Variants in EYS observed in about 807,000 individuals in gnomAD.
EYS encodes protein eyes shut homolog.
EYS carries 250 observed loss-of-function variants against 282.1 expected under a neutral mutation model. The observed-to-expected ratio is 0.89, with a 90% CI of 0.80 to 0.98. The LOEUF is 0.98. Ranked by LOEUF, EYS falls within the 50% of genes least tolerant of loss-of-function variation. EYS has a pLI of 0.00. For missense variants in EYS, 4,016 were observed against 3,709.0 expected, an observed-to-expected ratio of 1.08 and a Z score of -2.15; for synonymous variants, 1,355 against 1,282.9, an observed-to-expected ratio of 1.06 and a Z score of -1.20.
rs535142975 is a variant in EYS at position 64,813,821 on chromosome 6, T to C, written c.3244-244A>G. ...GAAATAAAATCATTATTAATCTTTA[T>C]AAAAAGATGTATCATGTCAGAGAAC... On this transcript the variant is annotated intron_variant, in intron 21 of 42. Transcript: ENST00000503581. 4.3e-4 allele frequency among the ~76,000 whole-genome samples: 66 copies of C among 152,020 alleles called. 2 individuals are homozygous for C. The South Asian group carries it at 0.013, about 30-fold the overall frequency.
intron 2 of EYS, among the ~76,000 whole-genome samples, chr6:65,632,736 T>C (rs1472869411): frequency 6.6e-6 from 1 of 152,194 alleles, no homozygotes; most frequent in African/African-American, 2.4e-5. Flanking sequence ...GAATGTAATA[T>C]ATACCACTAG....
At chr6:64,780,194 G>A in intron 22 of EYS, among the ~76,000 whole-genome samples, 1 of 151,988 alleles carries the variant, frequency 6.6e-6, no homozygotes, top group Non-Finnish European at 1.5e-5. Context: ...TAAATCAAAG[G>A]ATTAAAAATA....
chr6:64,775,940 G>C (rs571514389), intron 22 of EYS, among the ~76,000 whole-genome samples: 87 of 151,900 alleles, frequency 5.7e-4, no homozygotes, highest in Non-Finnish European at 1.2e-3. Context: ...TGCTTCAAAA[G>C]AACACATCTA....
At chr6:64,143,033 T>C (rs1235188545) in intron 31 of EYS, among the ~76,000 whole-genome samples, 2 of 152,054 alleles carry the variant, frequency 1.3e-5, no homozygotes, top group Admixed American at 6.6e-5. Context: ...GTGGAAGAAA[T>C]GTAAACGCAT....
At chr6:65,347,560 AT>A (rs33935472) in intron 9 of EYS, among the ~76,000 whole-genome samples, 61,727 of 146,764 alleles carry the variant, frequency 0.42, 12,769 homozygotes, top group African/African-American at 0.45. Context: ...TTCCCCATCC[AT>A]TTTTTTTTTT....
chr6:65,677,723 A>G (rs1385106426), intron 1 of EYS, among the ~76,000 whole-genome samples: 1 of 152,114 alleles, frequency 6.6e-6, no homozygotes, highest in East Asian at 1.9e-4. Context: ...TTCATAAAGA[A>G]CCACAAAGGA....
At chr6:65,635,214 C>A (rs915779642) in intron 2 of EYS, among the ~76,000 whole-genome samples, 1 of 152,166 alleles carries the variant, frequency 6.6e-6, no homozygotes, top group Admixed American at 6.5e-5. Flanking sequence ...CCACCTCAAC[C>A]CCACAACTAT....
At chr6:64,907,496 AC>A (rs1456672460) in intron 16 of EYS, among the ~76,000 whole-genome samples, 4 of 152,208 alleles carry the variant, frequency 2.6e-5, no homozygotes. Flanking sequence ...AAAAACATGA[AC>A]TTAGTTAAGA....
chr6:65,083,373 A>G (rs1774277969), intron 12 of EYS, among the ~76,000 whole-genome samples: 1 of 151,992 alleles, frequency 6.6e-6, no homozygotes, highest in Non-Finnish European at 1.5e-5. Context: ...ATATCTCCTA[A>G]AGGTAAATTG....
chr6:64,945,673 C>A, intron 15 of EYS, 120 bp downstream of exon 15: 1 of 917,420 alleles, frequency 1.1e-6, no homozygotes, highest in Non-Finnish European at 1.6e-6. Flanking sequence ...AATGGCTCTT[C>A]ATTGCTGGAT....
chr6:65,360,828 T>C (rs1165379280), intron 8 of EYS, among the ~76,000 whole-genome samples: 1 of 152,094 alleles, frequency 6.6e-6, no homozygotes, highest in Non-Finnish European at 1.5e-5. Context: ...AAAGACAGTA[T>C]TGCAAACAAT....
chr6:64,541,290 A>G (rs1303165094), intron 26 of EYS, among the ~76,000 whole-genome samples: 2 of 152,174 alleles, frequency 1.3e-5, no homozygotes, highest in South Asian at 2.1e-4. Context: ...TCTGTTTTGT[A>G]TTTAGAAATA....
intron 12 of EYS, among the ~76,000 whole-genome samples, chr6:65,155,121 T>G (rs1016958088): frequency 2.0e-5 from 3 of 151,512 alleles, no homozygotes; most frequent in Admixed American, 6.6e-5. Flanking sequence ...TTTTGAATCT[T>G]CAGAATTACA....
Position 64,191,055 on chromosome 6 carries a change from T to G in EYS, c.6424+39537A>C, listed in dbSNP as rs112044235. Among the ~76,000 whole-genome samples the G allele has an allele frequency of 4.4e-3, 665 of 152,276 alleles. 5 individuals carry two copies. Among genetic ancestry groups the G allele is most frequent in the African/African-American group, 0.015 (633 of 41,566 alleles). On this transcript the variant is annotated intron_variant, in intron 31 of 42. Transcript: ENST00000503581. ...TTTTGTGTAGTTTTCCATAGTTCCTTTTGTAATATTCTTACTGACTTACAG... is the reference window on the plus strand; with the variant it reads ...TTTTGTGTAGTTTTCCATAGTTCCTGTTGTAATATTCTTACTGACTTACAG...
chr6:64,119,609 T>A (rs1264434486), intron 31 of EYS, among the ~76,000 whole-genome samples: 1 of 152,242 alleles, frequency 6.6e-6, no homozygotes, highest in Non-Finnish European at 1.5e-5. Context: ...CATACCCATT[T>A]CCAGTAATGG....
At chr6:64,852,875 T>C (rs2150042906) in intron 19 of EYS, among the ~76,000 whole-genome samples, 1 of 152,256 alleles carries the variant, frequency 6.6e-6, no homozygotes, top group East Asian at 1.9e-4. Context: ...ACCTTGTTTT[T>C]ACACTTGTAC....
intron 22 of EYS, among the ~76,000 whole-genome samples, chr6:64,716,168 T>C (rs1771383648): frequency 6.6e-6 from 1 of 152,238 alleles, no homozygotes; most frequent in Non-Finnish European, 1.5e-5. Flanking sequence ...CATTTCTCTA[T>C]GGATGACACA....
intron 15 of EYS, among the ~76,000 whole-genome samples, chr6:64,935,253 A>G (rs561043793): frequency 6.7e-4 from 102 of 151,902 alleles, no homozygotes; most frequent in Middle Eastern, 6.8e-3. Context: ...AGAAGAAGAC[A>G]TATAGAAAAC....
At chr6:64,871,187 T>C (rs1766584738) in intron 19 of EYS, among the ~76,000 whole-genome samples, 2 of 151,878 alleles carry the variant, frequency 1.3e-5, no homozygotes, top group Non-Finnish European at 2.9e-5. Context: ...ATCTAATAAA[T>C]ATCTTTTACA....
Sources: gnomAD v4.1 joint callset for allele counts (sites outside exome capture counted in the v4.1 genomes callset) on GRCh38, gnomAD v4.1.1 for gene constraint, MANE v1.5 for transcripts, NCBI Gene and HGNC (gene_info 2026-07-23, HGNC 2026-07-21) for gene names.